Variants in KIAA0586 observed in about 807,000 individuals in gnomAD.
The protein encoded by KIAA0586 is protein TALPID3.
KIAA0586 carries 144 observed loss-of-function variants against 169.8 expected under a neutral mutation model. The observed-to-expected ratio is 0.85, with a 90% CI of 0.74 to 0.97. KIAA0586 has a LOEUF of 0.97. Ranked by LOEUF, KIAA0586 falls within the 50% of genes least tolerant of loss-of-function variation. KIAA0586 has a pLI of 0.00. For missense variants in KIAA0586, 1,854 were observed against 1,823.0 expected, an observed-to-expected ratio of 1.02 and a Z score of -0.31; for synonymous variants, 625 against 612.4, an observed-to-expected ratio of 1.02 and a Z score of -0.30.
chr14:58,503,899 G>A (rs893059329), intron 27 of KIAA0586, among the ~76,000 whole-genome samples: 4 of 152,102 alleles, frequency 2.6e-5, no homozygotes, highest in African/African-American at 9.7e-5. Flanking sequence ...ATTGCAGCAG[G>A]GAGCAGAAAC....
At chr14:58,438,252 G>A (rs958121577) in intron 4 of KIAA0586, among the ~76,000 whole-genome samples, 6 of 152,114 alleles carry the variant, frequency 3.9e-5, no homozygotes, top group African/African-American at 1.4e-4. Context: ...TTGCCACATT[G>A]AGCATTTATT....
chr14:58,467,697 TGAACTAG>T (rs1189375830), intron 15 of KIAA0586, 31 bp from the exon 16 acceptor site: 8 of 1,462,758 alleles, frequency 5.5e-6, no homozygotes, highest in Admixed American at 4.0e-5. Flanking sequence ...CCTTTTTTTC[TGAACTAG>T]TTGACTTATT....
intron 14 of KIAA0586, 62 bp downstream of exon 14, chr14:58,461,222 A>G: frequency 8.2e-7 from 1 of 1,216,392 alleles, no homozygotes. Flanking sequence ...TAATATGTAA[A>G]GTTTCTTTTT....
chr14:58,471,652 T>C (rs1426966188), intron 17 of KIAA0586, among the ~76,000 whole-genome samples: 1 of 152,316 alleles, frequency 6.6e-6, no homozygotes, highest in South Asian at 2.1e-4. Flanking sequence ...TCAGTATTTT[T>C]TTTTAACCTT....
At chr14:58,472,426 A>G (rs1174788261) in intron 18 of KIAA0586, 147 bp downstream of exon 18, 2 of 433,772 alleles carry the variant, frequency 4.6e-6, no homozygotes, top group Non-Finnish European at 8.3e-6. Context: ...AAAAATTATA[A>G]AGTTGTTATT....
Position 58,540,077 on chromosome 14 carries a change from C to G in KIAA0586, c.4436C>G (p.Pro1479Arg), listed in dbSNP as rs374096160. Residue 1479 changes from proline to arginine, a missense_variant, in exon 30 of 31, where the codon CCA becomes CGA. By Grantham distance (103) the Pro-to-Arg change is moderately radical. Transcript: ENST00000652326. ...AAAATAAATTTTTATGTAGTTTCAC[C>G]AGGTGATATGGATCGGACACAAATT... ...DIAPSQQQVS[P>R]GDMDRTQIEL... 27 of 1,543,468 alleles carry G rather than the reference C, an allele frequency of 1.7e-5. No individual in the cohort carries two copies. The highest frequency in any genetic ancestry group is 5.8e-5 in the Admixed American group (3 of 52,046).
intron 29 of KIAA0586, chr14:58,537,144 C>T: frequency 3.7e-6 from 4 of 1,088,254 alleles, no homozygotes; most frequent in Non-Finnish European, 4.5e-6. Context: ...TTCCAGTAAA[C>T]CTCGTAAATC....
chr14:58,494,449 C>T (rs1328616850), intron 26 of KIAA0586, among the ~76,000 whole-genome samples: 2 of 149,886 alleles, frequency 1.3e-5, no homozygotes, highest in African/African-American at 4.9e-5. Flanking sequence ...CTTATTGACT[C>T]CTCAGGTATC....
chr14:58,521,227 C>A, intron 29 of KIAA0586: 1 of 1,010,954 alleles, frequency 9.9e-7, no homozygotes, highest in South Asian at 1.4e-5. Context: ...AACACAGTGG[C>A]CAGCAACGTT....
chr14:58,487,236 C>T, intron 22 of KIAA0586, 70 bp downstream of exon 22: 1 of 1,280,460 alleles, frequency 7.8e-7, no homozygotes. Flanking sequence ...TGTATATGTA[C>T]TTGTTGCTTA....
At chr14:58,444,528 AT>A (rs1288664677) in intron 6 of KIAA0586, among the ~76,000 whole-genome samples, 1 of 151,904 alleles carries the variant, frequency 6.6e-6, no homozygotes, top group Non-Finnish European at 1.5e-5. Flanking sequence ...GGTTCAGGAG[AT>A]TTTCCTGCCT....
At chr14:58,484,137 T>G (rs1190175752) in intron 21 of KIAA0586, among the ~76,000 whole-genome samples, 2 of 152,162 alleles carry the variant, frequency 1.3e-5, no homozygotes, top group African/African-American at 4.8e-5. Flanking sequence ...AAGTTGAATT[T>G]GAATTCCAAG....
intron 29 of KIAA0586, among the ~76,000 whole-genome samples, chr14:58,512,944 A>G (rs1339556809): frequency 2.0e-5 from 3 of 152,050 alleles, no homozygotes; most frequent in Non-Finnish European, 4.4e-5. Flanking sequence ...TGACATTACA[A>G]TATGTTAAAG....
At chr14:58,553,871 C>CATTTAT (rs2047230756), downstream of KIAA0586, among the ~76,000 whole-genome samples, 1 of 152,138 alleles carries the variant, frequency 6.6e-6, no homozygotes, top group Non-Finnish European at 1.5e-5. Context: ...TTAAAACAAT[C>CATTTAT]ATTTATTTAC....
chr14:58,437,704 CAAAAAAAA>C (rs71107947), intron 4 of KIAA0586, among the ~76,000 whole-genome samples: 1 of 61,600 alleles, frequency 1.6e-5, no homozygotes, highest in African/African-American at 6.7e-5. Context: ...GATCCTGTCT[CAAAAAAAA>C]AAAAAAAAAA....
Position 58,547,970 on chromosome 14 carries a change from G to T in KIAA0586, c.*38G>T. The T allele has an allele frequency of 6.2e-7, 1 of 1,600,428 alleles. No homozygotes were observed. The highest frequency in any genetic ancestry group is 8.5e-7 in the Non-Finnish European group (1 of 1,171,544). ...AGCCAGCACAGTGTTTATGCCACTG[G>T]TTTTAAAGTCATTTTACCTTGGCTT... On this transcript the variant is annotated 3_prime_UTR_variant, in exon 31 of 31. Coordinates refer to ENST00000652326, the MANE Select transcript of KIAA0586 (RefSeq NM_001329943.3).
rs571515676 is a variant in KIAA0586, at chr14:58,432,390, A to G, written c.343A>G (p.Asn115Asp). ...KIEENNKQKA[N>D]DIFISQYTMG... is the part of the protein sequence containing the mutation. ...ATTTTTGTGTCTTGATTTTGCAGCA[A>G]ATGACATCTTCATTTCTCAGTATAC... Residue 115 changes from asparagine to aspartate, a missense_variant and splice_region_variant, in exon 4 of 31, where the codon AAT becomes GAT. Asn to Asp is a conservative substitution (Grantham distance 23). Coordinates refer to ENST00000652326, the MANE Select transcript of KIAA0586 (RefSeq NM_001329943.3). 1.3e-6 allele frequency: 2 copies of G among 1,538,158 alleles called. No homozygotes were observed. The highest frequency in any genetic ancestry group is 1.8e-6 in the Non-Finnish European group (2 of 1,138,874).
intron 5 of KIAA0586, among the ~76,000 whole-genome samples, chr14:58,443,580 T>G (rs1215249265): frequency 6.6e-6 from 1 of 152,086 alleles, no homozygotes; most frequent in Admixed American, 6.6e-5. Context: ...CACGCCACCA[T>G]GCCTGGCTAA....
chr14:58,490,199 AATG>A lies in KIAA0586; in HGVS notation c.3820_3822del (p.Asp1274del), dbSNP rs1399193101. ...TATAGGACTGTACCTGACAAACCTT[AATG>A]ATAGCTTATCCAGCACTCTGCATGA... On this transcript the variant is annotated inframe_deletion, in exon 25 of 31. Transcript: ENST00000652326. The A allele has an allele frequency of 6.5e-7, 1 of 1,541,284 alleles. No homozygotes were observed. The highest frequency in any genetic ancestry group is 1.9e-5 in the Admixed American group (1 of 51,638).
Sources: allele counts gnomAD v4.1 joint callset (sites outside exome capture counted in the v4.1 genomes callset), GRCh38; gene constraint gnomAD v4.1.1; transcripts MANE v1.5; gene names NCBI Gene and HGNC (gene_info 2026-07-23, HGNC 2026-07-21).